The following GPALPP1 variants were observed in gnomAD, a reference collection of about 807,000 sequenced individuals.
GPALPP1 encodes the protein GPALPP motifs-containing protein 1.
GPALPP1 carries 30 observed loss-of-function variants against 38.9 expected under a neutral mutation model. That is an observed-to-expected ratio of 0.77 (90% CI 0.58 to 1.05). The LOEUF (loss-of-function observed/expected upper bound fraction) is 1.05. Ranked by LOEUF, GPALPP1 falls within the 50% of genes least tolerant of loss-of-function variation. The pLI is 0.00. For synonymous variants in GPALPP1, 120 were observed against 139.2 expected, an observed-to-expected ratio of 0.86 and a Z score of 0.97; for missense variants, 384 against 408.8, an observed-to-expected ratio of 0.94 and a Z score of 0.52.
chr13:45,013,191 G>GT (rs1480231731), intron 4 of GPALPP1, among the ~76,000 whole-genome samples: 1 of 152,166 alleles, frequency 6.6e-6, no homozygotes, highest in African/African-American at 2.4e-5. Context: ...AAAGGCTCCA[G>GT]TTTTTCCACC....
chr13:45,034,100 A>G (rs1876322937), downstream of GPALPP1: 1 of 151,236 alleles, frequency 6.6e-6, no homozygotes, highest in Non-Finnish European at 1.5e-5. Flanking sequence ...TCATTTCCCT[A>G]TAATAAGTAT....
chr13:45,020,470 T>C (rs559419291), intron 7 of GPALPP1, 42 bp downstream of exon 7: 10 of 818,652 alleles, frequency 1.2e-5, no homozygotes, highest in Admixed American at 5.6e-5. Context: ...GTGTGATGGC[T>C]CTTGCCTATA....
intron 6 of GPALPP1, among the ~76,000 whole-genome samples, chr13:45,017,506 T>G (rs571139244): frequency 5.3e-5 from 8 of 152,096 alleles, no homozygotes; most frequent in Non-Finnish European, 1.0e-4. Context: ...TTTATTGGAG[T>G]TTTTATAATT....
Position 45,014,988 on chromosome 13 carries a change from C to T in GPALPP1, c.445C>T (p.Pro149Ser). Reference protein sequence around the residue: ...DSSEDEDIIGPMPAKGPVNYN... With the variant: ...DSSEDEDIIGSMPAKGPVNYN... The stretch of plus-strand genomic sequence containing the variant: ...CAGTGAAGATGAGGATATTATTGGA[C>T]CAATGCCTGCAAAAGGACCAGTTAA... The change falls in exon 5 of 8, where the codon CCA becomes TCA. Residue 149 changes from proline to serine, a missense_variant. Coordinates refer to ENST00000379151, the MANE Select transcript of GPALPP1 (RefSeq NM_018559.5). The T allele has an allele frequency of 4.4e-6, 7 of 1,605,330 alleles. No homozygotes were observed. Among genetic ancestry groups the T allele is most frequent in the Non-Finnish European group, 6.0e-6 (7 of 1,173,890 alleles).
At chr13:44,995,511 C>G (rs1000192115) in intron 1 of GPALPP1, among the ~76,000 whole-genome samples, 8 of 152,114 alleles carry the variant, frequency 5.3e-5, no homozygotes, top group Non-Finnish European at 1.5e-5. Context: ...TAAAAAAAAT[C>G]TTTCAATGTT....
chr13:45,015,506 G>A lies in GPALPP1; in HGVS notation c.615G>A (p.Gly205=). 6.2e-7 allele frequency: 1 copy of A among 1,609,054 alleles called. No homozygotes were observed. The highest frequency in any genetic ancestry group is 8.5e-7 in the Non-Finnish European group (1 of 1,177,162). ...LPPEMKDFGL[G]PRTFKRRADD... is the part of the protein sequence containing the mutation. ...CAGAAATGAAAGACTTTGGTCTTGG[G>A]CCAAGGACTTTTAAGAGAAGAGCTG... Residue 205 remains glycine, a synonymous_variant, in exon 6 of 8, where the codon GGG becomes GGA. Transcript: ENST00000379151.
chr13:45,024,510 G>A (rs1360977529), intron 7 of GPALPP1, among the ~76,000 whole-genome samples: 1 of 151,750 alleles, frequency 6.6e-6, no homozygotes, highest in Non-Finnish European at 1.5e-5. Flanking sequence ...TGTTAGCCAG[G>A]CTGGTCTTGA....
intron 4 of GPALPP1, among the ~76,000 whole-genome samples, chr13:45,011,452 G>T (rs1202801392): frequency 6.6e-6 from 1 of 152,138 alleles, no homozygotes; most frequent in Non-Finnish European, 1.5e-5. Flanking sequence ...GGCTGGGGAG[G>T]CCTCAGGAAA....
chr13:44,991,074 C>G (rs912415171), intron 1 of GPALPP1, among the ~76,000 whole-genome samples: 7 of 147,996 alleles, frequency 4.7e-5, no homozygotes, highest in African/African-American at 1.7e-4. Flanking sequence ...GGCGACGGAA[C>G]GAGAGTTTGT....
chr13:45,036,257 C>T (rs1193219432), exon 8 of GPALPP1: 1 of 152,244 alleles, frequency 6.6e-6, no homozygotes, highest in Non-Finnish European at 1.5e-5. Flanking sequence ...CAAGATTCTA[C>T]TGCCATTGAT....
intron 1 of GPALPP1, among the ~76,000 whole-genome samples, chr13:44,992,287 C>G (rs1872859407): frequency 6.6e-6 from 1 of 152,054 alleles, no homozygotes; most frequent in African/African-American, 2.4e-5. Context: ...TGAATACATG[C>G]TGTGTTCAGT....
downstream of GPALPP1, chr13:45,033,663 GTATTGGTAAAGAGAA>G: frequency 6.6e-6 from 1 of 152,290 alleles, no homozygotes; most frequent in Middle Eastern, 3.4e-3. Context: ...GAAGCAGGCA[GTATTGGTAAAGAGAA>G]TATTCTGTAA....
chr13:44,994,217 CAAAAA>C (rs1165851530), intron 1 of GPALPP1, among the ~76,000 whole-genome samples: 3 of 61,494 alleles, frequency 4.9e-5, no homozygotes, highest in Non-Finnish European at 1.1e-4. Context: ...GACCCTGTCT[CAAAAA>C]AAAAAAAAAA....
At chr13:44,995,867 A>G (rs61670964) in intron 1 of GPALPP1, among the ~76,000 whole-genome samples, 2,630 of 152,226 alleles carry the variant, frequency 0.017, 75 homozygotes, top group East Asian at 0.085. Context: ...CCAAGACCAC[A>G]GTGTTTGTGG....
intron 4 of GPALPP1, among the ~76,000 whole-genome samples, chr13:45,013,915 T>C (rs542104796): frequency 6.6e-6 from 1 of 152,192 alleles, no homozygotes; most frequent in Non-Finnish European, 1.5e-5. Flanking sequence ...ACCAAAATAA[T>C]TTAATACCCA....
rs550439644 is a variant in GPALPP1 at position 45,000,463 on chromosome 13, G to A, written c.89-3842G>A. 4.0e-5 allele frequency among the ~76,000 whole-genome samples: 6 copies of A among 151,322 alleles called. No individual in the cohort carries two copies. In the East Asian group the frequency reaches 1.2e-3, roughly 29 times the overall value. Reference sequence around the variant, plus strand: ...GAATACATAAATAAAAGGTATGTGTGTACGTTATAATACCAAGAACAGCAC... The same window carrying A: ...GAATACATAAATAAAAGGTATGTGTATACGTTATAATACCAAGAACAGCAC... On this transcript the variant is annotated intron_variant, in intron 1 of 7. Coordinates refer to ENST00000379151, the MANE Select transcript of GPALPP1 (RefSeq NM_018559.5).
chr13:45,001,039 C>T (rs543480384), intron 1 of GPALPP1, among the ~76,000 whole-genome samples: 2 of 152,206 alleles, frequency 1.3e-5, no homozygotes, highest in South Asian at 4.1e-4. Context: ...TGGCTATGTC[C>T]CCACCCAAAT....
intron 1 of GPALPP1, among the ~76,000 whole-genome samples, chr13:45,002,767 G>A (rs937499677): frequency 6.6e-6 from 1 of 152,132 alleles, no homozygotes; most frequent in Non-Finnish European, 1.5e-5. Context: ...ACTTGATGTC[G>A]TCATTTTGCT....
chr13:44,990,300 A>G (rs1419129624), intron 1 of GPALPP1: 1 of 194,744 alleles, frequency 5.1e-6, no homozygotes, highest in African/African-American at 2.3e-5. Flanking sequence ...TTGCTGCGCA[A>G]TTCCTTAACG....
Sources: gnomAD v4.1 joint callset for allele counts (sites outside exome capture counted in the v4.1 genomes callset) on GRCh38, gnomAD v4.1.1 for gene constraint, MANE v1.5 for transcripts, NCBI Gene and HGNC (gene_info 2026-07-23, HGNC 2026-07-21) for gene names.